Variants in HNRNPLL observed in about 807,000 individuals in gnomAD.
HNRNPLL encodes the protein heterogeneous nuclear ribonucleoprotein L like.
HNRNPLL carries 25 observed loss-of-function variants against 67.1 expected under a neutral mutation model. That is an observed-to-expected ratio of 0.37 (90% CI 0.27 to 0.52). The LOEUF (loss-of-function observed/expected upper bound fraction) is 0.52. HNRNPLL is among the 20% of genes least tolerant of loss of function. The probability of loss-of-function intolerance (pLI) is 0.90; values close to 1 mark genes in which losing one functional copy is unlikely to be tolerated. For missense variants in HNRNPLL, 542 were observed against 673.9 expected, an observed-to-expected ratio of 0.80 and a Z score of 2.17; for synonymous variants, 267 against 241.7, an observed-to-expected ratio of 1.10 and a Z score of -0.97.
chr2:38,576,254 G>C (rs1364213641), intron 7 of HNRNPLL, among the ~76,000 whole-genome samples: 1 of 151,692 alleles, frequency 6.6e-6, no homozygotes, highest in Non-Finnish European at 1.5e-5. Context: ...TCAGCTGACT[G>C]CCATGACTCT....
intron 8 of HNRNPLL, among the ~76,000 whole-genome samples, chr2:38,571,649 G>T (rs1237958309): frequency 6.6e-6 from 1 of 152,006 alleles, no homozygotes; most frequent in Non-Finnish European, 1.5e-5. Flanking sequence ...ATGACTATCT[G>T]CAAATCTAAT....
intron 7 of HNRNPLL, among the ~76,000 whole-genome samples, chr2:38,574,307 A>G (rs1361995747): frequency 2.0e-5 from 3 of 151,810 alleles, no homozygotes; most frequent in Non-Finnish European, 3.0e-5. Flanking sequence ...CAATAAGAAG[A>G]AAGGCAGAGG....
intron 1 of HNRNPLL, among the ~76,000 whole-genome samples, chr2:38,595,294 A>AAAAG (rs1460062379): frequency 1.7e-4 from 25 of 146,710 alleles, no homozygotes; most frequent in African/African-American, 5.6e-4. Flanking sequence ...AAAAAAAAAA[A>AAAAG]AAAGAAAAGA....
intron 10 of HNRNPLL, 22 bp from the exon 11 acceptor site, chr2:38,568,465 C>A: frequency 6.7e-7 from 1 of 1,500,826 alleles, no homozygotes. Context: ...AGTAAAACTT[C>A]ATTAAAAATA....
intron 2 of HNRNPLL, among the ~76,000 whole-genome samples, chr2:38,586,576 T>G (rs761775511): frequency 7.2e-5 from 11 of 152,124 alleles, no homozygotes; most frequent in Non-Finnish European, 1.3e-4. Flanking sequence ...ACAAACTACC[T>G]CTCTCGAATT....
At chr2:38,575,012 A>T (rs1019885580) in intron 7 of HNRNPLL, among the ~76,000 whole-genome samples, 5 of 151,678 alleles carry the variant, frequency 3.3e-5, no homozygotes, top group African/African-American at 1.2e-4. Context: ...CATCACACTA[A>T]ATTTTCTTTT....
At chr2:38,588,598 G>C (rs1209237702) in intron 2 of HNRNPLL, among the ~76,000 whole-genome samples, 1 of 147,572 alleles carries the variant, frequency 6.8e-6, no homozygotes, top group Admixed American at 6.7e-5. Flanking sequence ...TTAAAAGTGA[G>C]GGTTACCCAG....
rs115843455 is a variant in HNRNPLL, at chr2:38,565,856, T to C, written c.1574-1619A>G. On this transcript the variant is annotated intron_variant, in intron 12 of 12. Transcript: ENST00000449105. ...CATACCTATCACCCAGCTTCAATAA[T>C]TGTCAATATTTGTCAGTCTTACTTT... 4.9e-3 allele frequency: 944 copies of C among 190,910 alleles called. 8 individuals are homozygous for C. Among genetic ancestry groups the C allele is most frequent in the African/African-American group, 0.021 (897 of 42,206 alleles). 11.8% of individuals were successfully genotyped at this position (190,910 alleles called of 1,614,324 possible).
chr2:38,584,122 C>T (rs752585548), intron 3 of HNRNPLL, among the ~76,000 whole-genome samples, 196 bp from the exon 4 acceptor site: 6 of 152,240 alleles, frequency 3.9e-5, no homozygotes, highest in Middle Eastern at 3.4e-3. Flanking sequence ...AGTGCAGTGG[C>T]ACGATCACAG....
intron 3 of HNRNPLL, 95 bp downstream of exon 3, chr2:38,585,549 G>A (rs897691390): frequency 1.4e-5 from 10 of 707,112 alleles, no homozygotes; most frequent in Non-Finnish European, 2.0e-5. Flanking sequence ...CTATTTTCTA[G>A]TATCTAGATG....
intron 8 of HNRNPLL, among the ~76,000 whole-genome samples, chr2:38,572,187 T>C (rs1396145182): frequency 3.3e-5 from 5 of 151,574 alleles, no homozygotes; most frequent in South Asian, 2.1e-4. Flanking sequence ...GTATCCCATA[T>C]GTTATCTCCC....
At position 38,569,153 on chromosome 2, in the gene HNRNPLL, T is replaced by C; in HGVS notation, c.1396A>G (p.Thr466Ala). 6.2e-7 allele frequency: 1 copy of C among 1,610,140 alleles called. No homozygotes were observed. The highest frequency in any genetic ancestry group is 8.5e-7 in the Non-Finnish European group (1 of 1,176,450). Residue 466 changes from threonine to alanine, a missense_variant, in exon 10 of 13, where the codon ACA becomes GCA. Thr to Ala is a moderately conservative substitution (Grantham distance 58). Around this residue, in one of 2 missense-constraint regions of HNRNPLL, gnomAD observed 415 missense variants for 575.2 expected, o/e 0.72. Transcript: ENST00000449105. The stretch of plus-strand genomic sequence containing the variant: ...CCTACCTTTGTGAAGGTCTCTTCTG[T>C]GACACACAATGGAACATTATAATAA... ...LHYYNVPLCVTEETFTKLCND... is the reference protein window; with the variant it reads ...LHYYNVPLCVAEETFTKLCND...
At chr2:38,599,982 T>C (rs1667358403) in intron 1 of HNRNPLL, 1 of 458,638 alleles carries the variant, frequency 2.2e-6, no homozygotes, top group Non-Finnish European at 4.5e-6. Flanking sequence ...CCCTTTTCGG[T>C]TACAATGAAT....
chr2:38,584,974 G>C (rs973056428), intron 3 of HNRNPLL, among the ~76,000 whole-genome samples: 2 of 151,934 alleles, frequency 1.3e-5, no homozygotes, highest in Middle Eastern at 6.8e-3. Flanking sequence ...TAAATCTAAA[G>C]AATATCTTAT....
At position 38,585,753 on chromosome 2, in the gene HNRNPLL, T is replaced by C; in HGVS notation, c.437A>G (p.Asn146Ser). ...AGTGATCCTTTTGCTTGTAGAATAGTTGAAAAAAGCCTGTTGACCAGCAAT... is the reference window on the plus strand; with the variant it reads ...AGTGATCCTTTTGCTTGTAGAATAGCTGAAAAAAGCCTGTTGACCAGCAAT... ...VYIAGQQAFF[N>S]YSTSKRITRP... The change falls in exon 3 of 13, where the codon AAC becomes AGC. Residue 146 changes from asparagine (N) to serine (S), a missense_variant. Physicochemically the swap from Asn to Ser is conservative, Grantham distance 46. Coordinates refer to ENST00000449105, the MANE Select transcript of HNRNPLL (RefSeq NM_138394.4). 4 of 1,613,864 alleles carry C rather than the reference T, an allele frequency of 2.5e-6. No individual in the cohort carries two copies. The highest frequency in any genetic ancestry group is 3.4e-6 in the Non-Finnish European group (4 of 1,179,746).
At chr2:38,564,705 G>C (rs1665789623) in intron 12 of HNRNPLL, among the ~76,000 whole-genome samples, 1 of 151,594 alleles carries the variant, frequency 6.6e-6, no homozygotes. Context: ...GCTCATGAAG[G>C]CAGGGACTTT....
intron 1 of HNRNPLL, among the ~76,000 whole-genome samples, chr2:38,592,161 C>T (rs879782031): frequency 1.3e-5 from 2 of 152,100 alleles, no homozygotes; most frequent in Admixed American, 1.3e-4. Flanking sequence ...AGCATTCTAT[C>T]TCAGTAAGAA....
At chr2:38,577,795 G>A (rs1449691091) in intron 6 of HNRNPLL, 1 of 475,770 alleles carries the variant, frequency 2.1e-6, no homozygotes, top group African/African-American at 2.0e-5. Flanking sequence ...TCAAATTTAA[G>A]GAAGAATGGA....
chr2:38,599,830 C>G (rs1165348351), intron 1 of HNRNPLL: 1 of 462,598 alleles, frequency 2.2e-6, no homozygotes, highest in African/African-American at 2.0e-5. Context: ...TGTAAATCTT[C>G]AAAGGCTTAC....
Sources: allele counts gnomAD v4.1 joint callset (sites outside exome capture counted in the v4.1 genomes callset), GRCh38; gene constraint gnomAD v4.1.1; regional missense constraint gnomAD v4.1.1; transcripts MANE v1.5; gene names NCBI Gene and HGNC (gene_info 2026-07-23, HGNC 2026-07-21).